PRPS1: variants seen among roughly 807,000 people sequenced by gnomAD.
PRPS1 encodes phosphoribosyl pyrophosphate synthetase 1, also known as ribose-phosphate pyrophosphokinase 1.
Under a neutral mutation model 16.9 loss-of-function variants are expected in PRPS1, and 1 was observed. That is an observed-to-expected ratio of 0.06 (90% CI 0.02 to 0.28). PRPS1 has a LOEUF of 0.28. Among genes scored for constraint, PRPS1 ranks in the 10% least tolerant of loss-of-function variants. PRPS1 has a pLI of 1.00. For synonymous variants in PRPS1, 70 were observed against 90.2 expected (o/e 0.78, Z 1.27); for missense variants, 47 against 254.0 (o/e 0.19, Z 5.54).
intron 1 of PRPS1, among the ~76,000 whole-genome samples, chrX:107,630,423 G>T (rs1056203158): frequency 8.9e-5 from 10 of 112,026 alleles, no homozygotes; most frequent in African/African-American, 3.2e-4. Flanking sequence ...ATTGGGAGAG[G>T]AGAGGGGGAG....
chrX:107,637,322 A>G (rs1925463911), intron 1 of PRPS1, among the ~76,000 whole-genome samples: 1 of 111,510 alleles, frequency 9.0e-6, no homozygotes, highest in Admixed American at 9.6e-5. Context: ...TTTATTCACC[A>G]TTGTTTCCCT....
intron 5 of PRPS1, among the ~76,000 whole-genome samples, chrX:107,647,133 T>G (rs1291568202): frequency 8.9e-6 from 1 of 112,766 alleles, no homozygotes; most frequent in African/African-American, 3.2e-5. Flanking sequence ...GGGGCACGTA[T>G]TTAGGATTAG....
chrX:107,645,153 A>G (rs778700526), intron 4 of PRPS1, 24 bp from the exon 5 acceptor site: 7 of 1,211,103 alleles, frequency 5.8e-6, no homozygotes, highest in South Asian at 1.8e-5. Context: ...CCACACATAC[A>G]TATGAACACG....
At chrX:107,644,828 G>A (rs780774495) in intron 4 of PRPS1, among the ~76,000 whole-genome samples, 28 of 104,318 alleles carry the variant, frequency 2.7e-4, no homozygotes, top group African/African-American at 9.1e-4. Context: ...TTTTTTTTTT[G>A]TTTTGAGACA....
chrX:107,641,041 G>C, intron 3 of PRPS1, 41 bp downstream of exon 3: 3 of 1,211,490 alleles, frequency 2.5e-6, no homozygotes, highest in Non-Finnish European at 3.4e-6. Context: ...AAAGGTGGGA[G>C]GAAAGGACTG....
intron 3 of PRPS1, 139 bp from the exon 4 acceptor site, chrX:107,642,227 C>G (rs1378018105): frequency 2.2e-6 from 2 of 908,245 alleles, no homozygotes; most frequent in African/African-American, 3.9e-5. Flanking sequence ...CTTTTATAAT[C>G]TACCACACTG....
chrX:107,649,889 G>C (rs1379200464), intron 6 of PRPS1, 51 bp from the exon 7 acceptor site: 1 of 1,210,213 alleles, frequency 8.3e-7, no homozygotes, highest in East Asian at 3.0e-5. Context: ...AAATTGGCCA[G>C]TCATCTCTGA....
At chrX:107,629,482 C>G (rs1925262169) in intron 1 of PRPS1, among the ~76,000 whole-genome samples, 1 of 111,935 alleles carries the variant, frequency 8.9e-6, no homozygotes, top group African/African-American at 3.2e-5. Context: ...TTTGACCTTC[C>G]CCAGTGCAGC....
chrX:107,645,036 T>C (rs770874624), intron 4 of PRPS1, 141 bp from the exon 5 acceptor site: 17 of 645,577 alleles, frequency 2.6e-5, no homozygotes, highest in Non-Finnish European at 4.1e-5. Flanking sequence ...GGATGGTCTC[T>C]ATCTCCTGAC....
In PRPS1 at chrX:107,650,067, C is replaced by T. The variant is rs1705657344; in HGVS notation, c.*35C>T. On this transcript the variant is annotated 3_prime_UTR_variant, in exon 7 of 7. Coordinates refer to ENST00000372435, the MANE Select transcript of PRPS1 (RefSeq NM_002764.4). ...TTCTGAGGCTTTTTGAGAATAAAAT[C>T]CACCCCACCCTTGTTTCCCCTTGGT... The T allele has an allele frequency of 8.3e-6, 10 of 1,210,868 alleles. No individual in the cohort carries two copies. Among genetic ancestry groups the T allele is most frequent in the Non-Finnish European group, 1.0e-5 (9 of 895,137 alleles).
intron 6 of PRPS1, 96 bp downstream of exon 6, chrX:107,647,861 C>T: frequency 1.0e-6 from 1 of 968,025 alleles, no homozygotes. Context: ...AGATATCTTT[C>T]TTTGGTCTGA....
chrX:107,635,942 T>C (rs1298823179), intron 1 of PRPS1, among the ~76,000 whole-genome samples: 1 of 105,913 alleles, frequency 9.4e-6, no homozygotes, highest in Non-Finnish European at 1.9e-5. Context: ...CGGCTGTAGT[T>C]CCAGCTACTC....
intron 1 of PRPS1, among the ~76,000 whole-genome samples, chrX:107,638,952 C>T (rs768618401): frequency 4.8e-4 from 54 of 111,390 alleles, no homozygotes; most frequent in African/African-American, 1.6e-3. Context: ...CCAGGCTGGT[C>T]TCGAACTCCT....
intron 1 of PRPS1, among the ~76,000 whole-genome samples, chrX:107,637,948 A>AT (rs1302423557): frequency 1.7e-4 from 18 of 103,621 alleles, no homozygotes; most frequent in African/African-American, 6.0e-4. Flanking sequence ...ATATATATAT[A>AT]TATTTTTTTG....
chrX:107,636,563 C>T (rs1925447625), intron 1 of PRPS1: 1 of 111,653 alleles, frequency 9.0e-6, no homozygotes, highest in African/African-American at 3.3e-5. Flanking sequence ...TAAACTAACC[C>T]CATTTGTCTT....
chrX:107,639,146 C>A, intron 1 of PRPS1, 149 bp from the exon 2 acceptor site: 1 of 585,163 alleles, frequency 1.7e-6, no homozygotes, highest in African/African-American at 2.2e-5. Flanking sequence ...AGAAAAAAAT[C>A]TGTACATGTT....
intron 2 of PRPS1, among the ~76,000 whole-genome samples, chrX:107,640,548 G>C (rs1294329587): frequency 8.9e-6 from 1 of 112,142 alleles, no homozygotes; most frequent in Non-Finnish European, 1.9e-5. Context: ...GTTTACATAT[G>C]TATGTGTTGA....
At position 107,642,440 on chromosome X, in the gene PRPS1, T is replaced by G. The variant is rs1925595117; in HGVS notation, c.480T>G (p.Ser160=). 6.6e-6 allele frequency: 8 copies of G among 1,209,976 alleles called. No individual in the cohort carries two copies. The South Asian group carries it at 1.4e-4, about 21-fold the overall frequency. Residue 160 remains serine, a synonymous_variant, in exon 4 of 7, where the codon TCT becomes TCG. Transcript: ENST00000372435. ...TAAAGTGGATAAGGGAGAATATCTC[T>G]GAGTGGAGGAACTGCACTATTGTCT... ...AVLKWIRENI[S]EWRNCTIVSP... is the part of the protein sequence containing the mutation.
At chrX:107,641,262 A>G in intron 3 of PRPS1, 1 of 665,621 alleles carries the variant, frequency 1.5e-6, no homozygotes, top group Admixed American at 3.8e-5. Flanking sequence ...TAAGCTTGGG[A>G]AGGTTACTTA....
Sources: gnomAD v4.1 joint callset for allele counts (sites outside exome capture counted in the v4.1 genomes callset) on GRCh38, gnomAD v4.1.1 for gene constraint, MANE v1.5 for transcripts, NCBI Gene and HGNC (gene_info 2026-07-23, HGNC 2026-07-21) for gene names.